ASTN2: variants seen among roughly 807,000 people sequenced by gnomAD.
The protein encoded by ASTN2 is astrotactin-2.
A neutral mutation model predicts 139.8 loss-of-function variants in ASTN2; 54 were observed. The ratio of observed to expected loss-of-function variants is 0.39; its 90% CI spans 0.31 to 0.48. The LOEUF is 0.48. ASTN2 is among the 20% of genes least tolerant of loss of function. The pLI is 0.95. For missense variants in ASTN2, 1,565 were observed against 1,725.1 expected, an observed-to-expected ratio of 0.91 and a Z score of 1.64; for synonymous variants, 756 against 719.5, an observed-to-expected ratio of 1.05 and a Z score of -0.81.
At chr9:117,248,928 G>C (rs1833460584) in intron 2 of ASTN2, among the ~76,000 whole-genome samples, 1 of 152,162 alleles carries the variant, frequency 6.6e-6, no homozygotes, top group African/African-American at 2.4e-5. Context: ...ATGAGGTTCG[G>C]GGCAAGTCTC....
At chr9:116,827,473 C>A (rs2416581) in intron 11 of ASTN2, among the ~76,000 whole-genome samples, 120,643 of 151,948 alleles carry the variant, frequency 0.79, 48,082 homozygotes, top group East Asian at 0.91. Context: ...TTTTGAAATG[C>A]TAAACAAAAT....
At chr9:117,263,710 A>G (rs1032502271) in intron 2 of ASTN2, among the ~76,000 whole-genome samples, 7 of 152,174 alleles carry the variant, frequency 4.6e-5, no homozygotes, top group African/African-American at 1.7e-4. Flanking sequence ...TTGTGGTAAT[A>G]TGGTTTTGAA....
chr9:117,275,328 A>G (rs1432690770), intron 2 of ASTN2, among the ~76,000 whole-genome samples: 2 of 152,128 alleles, frequency 1.3e-5, no homozygotes, highest in African/African-American at 4.8e-5. Flanking sequence ...CAGTACCAAA[A>G]TCTGTATTAG....
intron 5 of ASTN2, among the ~76,000 whole-genome samples, chr9:117,090,132 T>C (rs1455462041): frequency 6.6e-6 from 1 of 152,236 alleles, no homozygotes; most frequent in Admixed American, 6.5e-5. Flanking sequence ...ATAATGTTTA[T>C]TAGAAAATAT....
At chr9:117,189,812 C>T (rs1018544738) in intron 3 of ASTN2, among the ~76,000 whole-genome samples, 2 of 152,164 alleles carry the variant, frequency 1.3e-5, no homozygotes, top group African/African-American at 4.8e-5. Context: ...GCTGGTAAAA[C>T]AAAACTCAAG....
intron 3 of ASTN2, among the ~76,000 whole-genome samples, chr9:117,160,118 C>G (rs1830514781): frequency 1.3e-5 from 2 of 151,980 alleles, no homozygotes; most frequent in South Asian, 4.1e-4. Flanking sequence ...GATGGCCAAG[C>G]TCAACATCAA....
At chr9:117,403,796 G>C (rs1396770629) in intron 1 of ASTN2, among the ~76,000 whole-genome samples, 1 of 152,090 alleles carries the variant, frequency 6.6e-6, no homozygotes, top group Non-Finnish European at 1.5e-5. Flanking sequence ...CAGTCTCTAA[G>C]AGCTCTTCTG....
chr9:117,220,666 G>T (rs776268102), intron 2 of ASTN2, among the ~76,000 whole-genome samples: 13 of 152,116 alleles, frequency 8.5e-5, no homozygotes, highest in Non-Finnish European at 1.5e-4. Flanking sequence ...TGGTAGAAAG[G>T]CATGGGACAG....
intron 4 of ASTN2, among the ~76,000 whole-genome samples, chr9:117,128,409 G>T (rs1587994612): frequency 7.4e-6 from 1 of 134,400 alleles, no homozygotes; most frequent in African/African-American, 2.8e-5. Context: ...AAGAAATCAA[G>T]GTCTTAAAAA....
chr9:116,934,030 A>C (rs528732038), intron 10 of ASTN2, among the ~76,000 whole-genome samples: 2 of 122,814 alleles, frequency 1.6e-5, no homozygotes, highest in South Asian at 2.6e-4. Context: ...CTGGGGAGTA[A>C]CTAGCAGAGG....
At chr9:117,282,982 GT>G (rs202218410) in intron 2 of ASTN2, among the ~76,000 whole-genome samples, 23,856 of 130,860 alleles carry the variant, frequency 0.18, 2,234 homozygotes, top group South Asian at 0.25. Flanking sequence ...TACTTCTACT[GT>G]TTTTTTTTTT....
At chr9:117,311,863 T>G (rs557080320) in intron 1 of ASTN2, among the ~76,000 whole-genome samples, 10 of 152,268 alleles carry the variant, frequency 6.6e-5, no homozygotes, top group African/African-American at 2.4e-4. Context: ...ACCCATAGTC[T>G]ATCCCTGTTG....
chr9:117,333,800 G>A lies in ASTN2; in HGVS notation c.443-42287C>T, dbSNP rs529997958. Reference sequence around the variant, plus strand: ...ATTACAGGCGTGATCCACTGCACCCGTCCATTTGCCCATTTTAAACATAAG... The same window carrying A: ...ATTACAGGCGTGATCCACTGCACCCATCCATTTGCCCATTTTAAACATAAG... On this transcript the variant is annotated intron_variant, in intron 1 of 22. Transcript: ENST00000313400. Among the ~76,000 whole-genome samples the A allele has an allele frequency of 2.1e-4, 32 of 152,198 alleles. No homozygotes were observed. In the South Asian group the frequency reaches 5.6e-3, roughly 27 times the overall value.
At chr9:117,280,157 A>G (rs985589691) in intron 2 of ASTN2, among the ~76,000 whole-genome samples, 9 of 152,168 alleles carry the variant, frequency 5.9e-5, no homozygotes, top group Non-Finnish European at 1.3e-4. Context: ...GGGTTTGTCC[A>G]TATTTTTTCA....
rs1831305879 is a variant in ASTN2, at chr9:116,815,805, A to AAAAAAAAAAAAAT, written c.2207+4811_2207+4812insATTTTTTTTTTTT. On this transcript the variant is annotated intron_variant, in intron 12 of 22. Coordinates refer to ENST00000313400, the MANE Select transcript of ASTN2 (RefSeq NM_001365068.1). ...GGGCAACAGAGCGAGACTCCGTCTC[A>AAAAAAAAAAAAAT]AAAAAAAAAAAAAAAAAAAAAAAGT... is the stretch of plus-strand genomic sequence containing the variant. 4.5e-5 allele frequency among the ~76,000 whole-genome samples: 5 copies of AAAAAAAAAAAAAT among 111,040 alleles called. 1 individual carries two copies. In the East Asian group the frequency reaches 1.3e-3, roughly 28 times the overall value. 72.8% of individuals were successfully genotyped at this position (111,040 alleles called of 152,430 possible).
intron 11 of ASTN2, among the ~76,000 whole-genome samples, chr9:116,826,636 T>G (rs899605922): frequency 6.6e-6 from 1 of 152,076 alleles, no homozygotes; most frequent in Admixed American, 6.6e-5. Context: ...CTACACTAGC[T>G]TCCCAGGGGC....
At position 116,545,635 on chromosome 9, in the gene ASTN2, C is replaced by A. The variant is rs193026131; in HGVS notation, c.3356-58135G>T. Reference sequence around the variant, plus strand: ...GTTTAAGAAGTTTTAGAAACAAATCCATTCTTTCTTAAAATCCAATGTTTT... The same window carrying A: ...GTTTAAGAAGTTTTAGAAACAAATCAATTCTTTCTTAAAATCCAATGTTTT... On this transcript the variant is annotated intron_variant, in intron 19 of 22. Transcript: ENST00000313400. 36 of 152,046 alleles carry A rather than the reference C, an allele frequency of 2.4e-4. 2 individuals carry two copies. Among genetic ancestry groups the A allele is most frequent in the African/African-American group, 8.0e-4 (33 of 41,450 alleles). The allele number at this position is 152,046 out of a possible 1,614,324, so 9.4% of individuals were successfully genotyped here. A position where few individuals can be genotyped will look rare whatever the true frequency, so the allele number is the denominator to read the frequency against.
chr9:117,247,558 C>T (rs1195583380), intron 2 of ASTN2, among the ~76,000 whole-genome samples: 1 of 152,148 alleles, frequency 6.6e-6, no homozygotes, highest in Admixed American at 6.5e-5. Flanking sequence ...AAATACAGTC[C>T]TCGAATAAAA....
chr9:116,844,836 C>G (rs917250809), intron 11 of ASTN2, among the ~76,000 whole-genome samples: 3 of 152,182 alleles, frequency 2.0e-5, no homozygotes, highest in Non-Finnish European at 2.9e-5. Context: ...ATCTGTGCAG[C>G]CTTCAACACA....
Sources: gnomAD v4.1 joint callset for allele counts (sites outside exome capture counted in the v4.1 genomes callset) on GRCh38, gnomAD v4.1.1 for gene constraint, MANE v1.5 for transcripts, NCBI Gene and HGNC (gene_info 2026-07-23, HGNC 2026-07-21) for gene names.